EDIL3: variants seen among roughly 807,000 people sequenced by gnomAD.
EDIL3 encodes the protein EGF like and discoidin domains 3, also known as EGF-like repeat and discoidin I-like domain-containing protein 3.
A neutral mutation model predicts 67.4 loss-of-function variants in EDIL3; 37 were observed. The observed-to-expected ratio is 0.55, with a 90% CI of 0.42 to 0.72. The LOEUF is 0.72. Among genes scored for constraint, EDIL3 ranks in the 30% least tolerant of loss-of-function variants. EDIL3 has a pLI of 0.00. For synonymous variants in EDIL3, 195 were observed against 196.3 expected, an observed-to-expected ratio of 0.99 and a Z score of 0.05; for missense variants, 527 against 586.3, an observed-to-expected ratio of 0.90 and a Z score of 1.04.
intron 6 of EDIL3, among the ~76,000 whole-genome samples, chr5:84,067,688 A>G (rs932680629): frequency 6.6e-6 from 1 of 152,168 alleles, no homozygotes; most frequent in Admixed American, 6.5e-5. Flanking sequence ...GAAATGGTCC[A>G]CGGTGTGCAT....
intron 1 of EDIL3, among the ~76,000 whole-genome samples, chr5:84,272,545 A>C (rs1015938036): frequency 1.3e-5 from 2 of 152,168 alleles, no homozygotes; most frequent in African/African-American, 4.8e-5. Context: ...ATGCACATAT[A>C]TAATTCATTT....
intron 5 of EDIL3, 125 bp from the exon 6 acceptor site, chr5:84,106,955 C>T: frequency 9.7e-7 from 1 of 1,033,816 alleles, no homozygotes; most frequent in Non-Finnish European, 1.4e-6. Flanking sequence ...ATTTACTCTT[C>T]ATCCCCTTTA....
chr5:83,946,382 C>T lies in EDIL3; in HGVS notation c.1294-2814G>A, dbSNP rs80023710. Among the ~76,000 whole-genome samples the T allele has an allele frequency of 6.1e-3, 928 of 151,842 alleles. 12 individuals are homozygous for T. The highest frequency in any genetic ancestry group is 0.022 in the African/African-American group (894 of 41,462). On this transcript the variant is annotated intron_variant, in intron 10 of 10. Coordinates refer to ENST00000296591, the MANE Select transcript of EDIL3 (RefSeq NM_005711.5). ...TCAGGCTTTTTCTAACATATGGGGC[C>T]TTGATCAAAAAACACTCAAGGTACT...
intron 2 of EDIL3, among the ~76,000 whole-genome samples, chr5:84,253,057 TTTTA>T (rs1477961947): frequency 6.6e-6 from 1 of 152,144 alleles, no homozygotes; most frequent in Non-Finnish European, 1.5e-5. Flanking sequence ...AAATTAATGG[TTTTA>T]TTTAATTATT....
chr5:84,060,272 G>A, intron 9 of EDIL3, 28 bp downstream of exon 9: 1 of 1,608,504 alleles, frequency 6.2e-7, no homozygotes, highest in Non-Finnish European at 8.5e-7. Context: ...GGAACAGTGG[G>A]TAGTGAAACA....
chr5:84,063,585 G>C (rs1376711933), intron 8 of EDIL3, among the ~76,000 whole-genome samples: 4 of 152,054 alleles, frequency 2.6e-5, no homozygotes, highest in Admixed American at 2.6e-4. Context: ...CTATTTAATA[G>C]TAAATTTTAT....
intron 6 of EDIL3, among the ~76,000 whole-genome samples, chr5:84,086,724 T>C (rs543601698): frequency 6.6e-6 from 1 of 152,292 alleles, no homozygotes; most frequent in Non-Finnish European, 1.5e-5. Context: ...ATATTAGGTA[T>C]GAGACAGTTC....
At chr5:84,183,934 C>T (rs1391676013) in intron 3 of EDIL3, among the ~76,000 whole-genome samples, 2 of 152,126 alleles carry the variant, frequency 1.3e-5, no homozygotes, top group Non-Finnish European at 2.9e-5. Flanking sequence ...TGGTGAAACC[C>T]CGTCTCTACT....
At chr5:84,011,500 A>G (rs1255114851) in intron 9 of EDIL3, among the ~76,000 whole-genome samples, 1 of 152,072 alleles carries the variant, frequency 6.6e-6, no homozygotes, top group African/African-American at 2.4e-5. Context: ...CCTACAGTCA[A>G]TTCTCTTCAT....
chr5:84,290,824 G>A (rs752355384), intron 1 of EDIL3, among the ~76,000 whole-genome samples: 1 of 152,176 alleles, frequency 6.6e-6, no homozygotes, highest in East Asian at 1.9e-4. Context: ...CTATTAATCT[G>A]CCTTATGTCA....
chr5:84,132,272 T>G, intron 5 of EDIL3, among the ~76,000 whole-genome samples: 1 of 115,422 alleles, frequency 8.7e-6, no homozygotes. Context: ...ATAATATATC[T>G]TTTTTTCATA....
chr5:84,237,858 T>A (rs1411288440), intron 2 of EDIL3, among the ~76,000 whole-genome samples: 2 of 152,164 alleles, frequency 1.3e-5, no homozygotes, highest in Non-Finnish European at 2.9e-5. Context: ...CTTGCTTTAA[T>A]AAAGTTACCA....
intron 3 of EDIL3, among the ~76,000 whole-genome samples, chr5:84,206,069 T>C (rs1743971692): frequency 6.6e-6 from 1 of 151,432 alleles, no homozygotes; most frequent in African/African-American, 2.4e-5. Context: ...AATTTCCCTC[T>C]ACACACTGCT....
intron 1 of EDIL3, among the ~76,000 whole-genome samples, chr5:84,339,118 C>A (rs1488520347): frequency 1.3e-5 from 2 of 151,870 alleles, no homozygotes; most frequent in Non-Finnish European, 2.9e-5. Context: ...TTTATCATCA[C>A]AGATAAAATA....
At chr5:84,337,380 G>A (rs1442406229) in intron 1 of EDIL3, among the ~76,000 whole-genome samples, 1 of 152,070 alleles carries the variant, frequency 6.6e-6, no homozygotes, top group Non-Finnish European at 1.5e-5. Context: ...GAGGGAGTGG[G>A]GAGACTACTG....
chr5:84,159,560 T>A (rs932923636), intron 4 of EDIL3, among the ~76,000 whole-genome samples: 5 of 151,972 alleles, frequency 3.3e-5, no homozygotes, highest in African/African-American at 9.7e-5. Flanking sequence ...TGATCATATA[T>A]CCCAGTAGTA....
At chr5:83,995,181 C>G (rs1485771169) in intron 9 of EDIL3, among the ~76,000 whole-genome samples, 6 of 151,676 alleles carry the variant, frequency 4.0e-5, no homozygotes, top group Non-Finnish European at 8.8e-5. Flanking sequence ...CACACACACA[C>G]ATTTTATTCT....
chr5:84,038,098 G>T (rs540171344), intron 9 of EDIL3, among the ~76,000 whole-genome samples: 2 of 148,522 alleles, frequency 1.3e-5, no homozygotes, highest in East Asian at 4.0e-4. Context: ...TGCCTCCCGG[G>T]TTCAAGCAAT....
intron 4 of EDIL3, among the ~76,000 whole-genome samples, chr5:84,167,156 A>G (rs958392389): frequency 6.6e-6 from 1 of 152,032 alleles, no homozygotes. Context: ...GAGTCAGCAA[A>G]ATCATTAGGA....
Sources: gnomAD v4.1 joint callset for allele counts (sites outside exome capture counted in the v4.1 genomes callset) on GRCh38, gnomAD v4.1.1 for gene constraint, MANE v1.5 for transcripts, NCBI Gene and HGNC (gene_info 2026-07-23, HGNC 2026-07-21) for gene names.